BICDL2: variants seen among roughly 807,000 people sequenced by gnomAD.
BICDL2 encodes the protein BICD family like cargo adaptor 2.
A neutral mutation model predicts 56.6 loss-of-function variants in BICDL2; 62 were observed. The ratio of observed to expected loss-of-function variants is 1.10; its 90% CI spans 0.89 to 1.35. BICDL2 has a LOEUF of 1.35. Among genes scored for constraint, BICDL2 ranks in the 40% most tolerant of loss-of-function variants. The pLI, the probability that BICDL2 is intolerant of heterozygous loss-of-function variation, is 0.00. For synonymous variants in BICDL2, 358 were observed against 319.8 expected (o/e 1.12, Z -1.27); for missense variants, 808 against 684.5 (o/e 1.18, Z -2.01).
intron 1 of BICDL2, chr16:3,036,360 C>G (rs1264683971): frequency 2.2e-6 from 1 of 448,942 alleles, no homozygotes; most frequent in South Asian, 1.6e-5. Context: ...CCCTGGGCTC[C>G]CCTAGGGCGG....
At chr16:3,035,705 A>T in intron 1 of BICDL2, 179 bp from the exon 2 acceptor site, 1 of 592,902 alleles carries the variant, frequency 1.7e-6, no homozygotes, top group Admixed American at 3.0e-5. Context: ...CCTGGGGTAA[A>T]CTGAGGCAGG....
At chr16:3,029,495 G>A (rs753599003) in intron 6 of BICDL2, 50 bp downstream of exon 6, 8 of 1,574,946 alleles carry the variant, frequency 5.1e-6, no homozygotes, top group African/African-American at 1.3e-5. Context: ...GGCGGAGCCT[G>A]CAACCCTCTC....
Position 3,027,773 on chromosome 16 carries a change from T to TG in BICDL2, c.*332dup. ...TTACCATGCTCTTTCTTTCTATGAA[T>TG]GGGGGCCAAATCGGTGGAGTGATTT... is the stretch of plus-strand genomic sequence containing the variant. On this transcript the variant is annotated 3_prime_UTR_variant, in exon 10 of 10. Coordinates refer to ENST00000572449, the MANE Select transcript of BICDL2 (RefSeq NM_001369667.1). 8.5e-7 allele frequency: 1 copy of TG among 1,179,392 alleles called. No homozygotes were observed. Among genetic ancestry groups the TG allele is most frequent in the Non-Finnish European group, 1.2e-6 (1 of 855,206 alleles). 73.1% of individuals were successfully genotyped at this position (1,179,392 alleles called of 1,614,324 possible). A position where few individuals can be genotyped will look rare whatever the true frequency, so the allele number is the denominator to read the frequency against.
intron 2 of BICDL2, chr16:3,031,543 C>A (rs542206069): frequency 1.1e-4 from 45 of 420,878 alleles, no homozygotes; most frequent in African/African-American, 8.3e-4. Context: ...GGCCTGGACT[C>A]TGCCCAGCCC....
At position 3,029,296 on chromosome 16, in the gene BICDL2, GCCACTT is replaced by G; in HGVS notation, c.1085_1090del (p.Glu362_Val363del). On this transcript the variant is annotated inframe_deletion, in exon 7 of 10. Coordinates refer to ENST00000572449, the MANE Select transcript of BICDL2 (RefSeq NM_001369667.1). ...CTGCCCCACCTCATCTTGCAGCTTG[GCCACTT>G]CCACCTCCTTCTCCTCCAGTATCTC... is the stretch of plus-strand genomic sequence containing the variant. The G allele has an allele frequency of 6.2e-7, 1 of 1,611,458 alleles. No homozygotes were observed. Among genetic ancestry groups the G allele is most frequent in the Admixed American group, 1.7e-5 (1 of 59,832 alleles).
chr16:3,030,789 AAGTTCCTGCT>A lies in BICDL2; in HGVS notation c.512_521del (p.Glu171ValfsTer22). ...CCCGAAGGGCGTCCAGTTCCCTCTG[AAGTTCCTGCT>A]CAGTCTGGGAGGCCTGGGGAGGTGG... On this transcript the variant is annotated frameshift_variant, in exon 4 of 10. Coordinates refer to ENST00000572449, the MANE Select transcript of BICDL2 (RefSeq NM_001369667.1). LOFTEE classifies it high-confidence loss of function. 6.2e-7 allele frequency: 1 copy of A among 1,611,554 alleles called. No individual in the cohort carries two copies. Among genetic ancestry groups the A allele is most frequent in the East Asian group, 2.2e-5 (1 of 44,850 alleles).
In BICDL2 at chr16:3,029,567, G is replaced by A. The variant is rs1955620062; in HGVS notation, c.935C>T (p.Ala312Val). ...SLDDGDQGQG[A>V]DAPGDTPTTR... ...CACCGGGGTGTCTCCGGGTGCGTCG[G>A]CGCCCTGGCCCTGGTCGCCGTCGTC... The change falls in exon 6 of 10, where the codon GCC becomes GTC. Residue 312 changes from alanine (A) to valine (V), a missense_variant. Transcript: ENST00000572449. The A allele has an allele frequency of 6.5e-7, 1 of 1,547,198 alleles. No individual in the cohort carries two copies. The highest frequency in any genetic ancestry group is 8.7e-7 in the Non-Finnish European group (1 of 1,150,750).
In BICDL2 at chr16:3,028,452, G is replaced by T. The variant is rs992118116; in HGVS notation, c.1255C>A (p.Leu419Met). 2 of 1,570,006 alleles carry T rather than the reference G, an allele frequency of 1.3e-6. No homozygotes were observed. Among genetic ancestry groups the T allele is most frequent in the South Asian group, 2.3e-5 (2 of 87,358 alleles). Residue 419 changes from leucine to methionine, a missense_variant, in exon 9 of 10, where the codon CTG (leucine) becomes ATG (methionine). Physicochemically the swap from Leu to Met is conservative, Grantham distance 15. Coordinates refer to ENST00000572449, the MANE Select transcript of BICDL2 (RefSeq NM_001369667.1). ...TCCAGCGAGACGCGGTTGAGCTGCA[G>T]GGACAGCTCCAGGGCCCTAGGCGGG... ...EAVNKALELS[L>M]QLNRVSLERD... is the part of the protein sequence containing the mutation.
Position 3,027,950 on chromosome 16 carries a change from G to C in BICDL2, c.*156C>G, listed in dbSNP as rs1386871209. ...GCCCCACAAAGCTGGCCCCTGCTCC[G>C]GATGAGCCCCTGCTCCCGATGAGCC... On this transcript the variant is annotated 3_prime_UTR_variant, in exon 10 of 10. Transcript: ENST00000572449. 8.6e-7 allele frequency: 1 copy of C among 1,168,024 alleles called. No individual in the cohort carries two copies. Among genetic ancestry groups the C allele is most frequent in the Non-Finnish European group, 1.1e-6 (1 of 878,006 alleles). The allele number at this position is 1,168,024 out of a possible 1,614,324, so 72.4% of individuals were successfully genotyped here.
At position 3,027,950 on chromosome 16, in the gene BICDL2, G is replaced by GGATGAGCCCCTGCTCCC. The variant is rs1291265591; in HGVS notation, c.*139_*155dup. The GGATGAGCCCCTGCTCCC allele has an allele frequency of 1.7e-4, 200 of 1,167,908 alleles. No homozygotes were observed. Among genetic ancestry groups the GGATGAGCCCCTGCTCCC allele is most frequent in the Non-Finnish European group, 1.9e-4 (171 of 878,016 alleles). The allele number at this position is 1,167,908 out of a possible 1,614,324, so 72.3% of individuals were successfully genotyped here. On this transcript the variant is annotated 3_prime_UTR_variant, in exon 10 of 10. Transcript: ENST00000572449. The stretch of plus-strand genomic sequence containing the variant: ...GCCCCACAAAGCTGGCCCCTGCTCC[G>GGATGAGCCCCTGCTCCC]GATGAGCCCCTGCTCCCGATGAGCC...
chr16:3,034,310 G>A (rs994162243), intron 2 of BICDL2, among the ~76,000 whole-genome samples: 13 of 152,120 alleles, frequency 8.5e-5, no homozygotes, highest in Admixed American at 2.0e-4. Context: ...ATGCAGTCTC[G>A]CTCTGTCACC....
At chr16:3,034,665 CT>C in intron 2 of BICDL2, among the ~76,000 whole-genome samples, 1 of 66,346 alleles carries the variant, frequency 1.5e-5, no homozygotes, top group African/African-American at 5.2e-5. Flanking sequence ...TCTCTCCTTC[CT>C]TCCTTCCTTC....
At position 3,030,939 on chromosome 16, in the gene BICDL2, G is replaced by T; in HGVS notation, c.494C>A (p.Ala165Asp). The T allele has an allele frequency of 6.5e-7, 1 of 1,547,186 alleles. No homozygotes were observed. The change falls in exon 3 of 10, where the codon GCT becomes GAT. Residue 165 changes from alanine (A) to aspartate (D), a missense_variant. By Grantham distance (126) the Ala-to-Asp change is moderately radical. Coordinates refer to ENST00000572449, the MANE Select transcript of BICDL2 (RefSeq NM_001369667.1). ...EQNLRLSQQL[A>D]QASQTEQELQ... ...CTGGGGTCAGGGCCATCCCACCTGA[G>T]CCAGCTGCTGGCTGAGCCGGAGGTT...
intron 2 of BICDL2, among the ~76,000 whole-genome samples, chr16:3,033,716 T>G (rs896507005): frequency 4.6e-5 from 7 of 151,644 alleles, no homozygotes; most frequent in African/African-American, 1.7e-4. Flanking sequence ...GCTCGTGAAG[T>G]TGAGGTTCCA....
rs930223158 is a variant in BICDL2, at chr16:3,029,649, G to A, written c.853C>T (p.Leu285Phe). The change falls in exon 6 of 10, where the codon CTC (leucine) becomes TTC (phenylalanine). Residue 285 changes from leucine to phenylalanine, a missense_variant. Coordinates refer to ENST00000572449, the MANE Select transcript of BICDL2 (RefSeq NM_001369667.1). Reference protein sequence around the residue: ...RVSELEEESRLQDADVSAASL... With the variant: ...RVSELEEESRFQDADVSAASL... ...GCAGCCGACACGTCGGCGTCCTGGA[G>A]GCGTGACTCCTCCTCCAGCTCGGAG... 1 of 1,535,846 alleles carries A rather than the reference G, an allele frequency of 6.5e-7. No homozygotes were observed. The highest frequency in any genetic ancestry group is 8.7e-7 in the Non-Finnish European group (1 of 1,145,994).
chr16:3,035,478 GC>G lies in BICDL2; in HGVS notation c.18del (p.Ser8AlafsTer43), dbSNP rs1955722495. The G allele has an allele frequency of 6.2e-7, 1 of 1,610,908 alleles. No individual in the cohort carries two copies. The highest frequency in any genetic ancestry group is 1.3e-5 in the African/African-American group (1 of 74,918). On this transcript the variant is annotated frameshift_variant, in exon 2 of 10. Transcript: ENST00000572449. LOFTEE classifies it high-confidence loss of function. MSSPD[G>X]PSFPSGPLSG... The stretch of plus-strand genomic sequence containing the variant: ...GAGAGCGGCCCGGACGGGAAGCTGG[GC>G]CCATCTGGAGAGCTCATGTCACCTG...
chr16:3,028,764 C>A lies in BICDL2; in HGVS notation c.1174G>T (p.Ala392Ser), dbSNP rs1334999275. 1 of 1,560,068 alleles carries A rather than the reference C, an allele frequency of 6.4e-7. No individual in the cohort carries two copies. The highest frequency in any genetic ancestry group is 1.2e-5 in the South Asian group (1 of 84,660). ...AGGGCCTCCCCAGGGTCTTCCTGCG[C>A]CCGCAGCTCCTTCTGCCTCTGCAGC... is the stretch of plus-strand genomic sequence containing the variant. ...EELQRQKELR[A>S]QEDPGEALHS... Residue 392 changes from alanine (A) to serine (S), a missense_variant, in exon 8 of 10, where the codon GCG becomes TCG. By Grantham distance (99) the Ala-to-Ser change is moderately conservative (BLOSUM62 1). Transcript: ENST00000572449.
rs751350706 is a variant in BICDL2, at chr16:3,028,308, C to T, written c.1360-35G>A. ...GCCGTGGTCGGCTCAGCGCCGGTCC[C>T]GCCCCTTGCCCCGCCCCGCACACGG... On this transcript the variant is annotated intron_variant, in intron 9 of 9. Transcript: ENST00000572449. 3 of 1,536,106 alleles carry T rather than the reference C, an allele frequency of 2.0e-6. No homozygotes were observed. In the African/African-American group the frequency reaches 4.2e-5, roughly 21 times the overall value.
rs1215003884 is a variant in BICDL2, at chr16:3,028,263, T to A, written c.1370A>T (p.Gln457Leu). 1.3e-6 allele frequency: 2 copies of A among 1,488,994 alleles called. No individual in the cohort carries two copies. The highest frequency in any genetic ancestry group is 1.8e-6 in the Non-Finnish European group (2 of 1,132,684). The allele number at this position is 1,488,994 out of a possible 1,614,324, so 92.2% of individuals were successfully genotyped here. Residue 457 changes from glutamine to leucine, a missense_variant, in exon 10 of 10, where the codon CAG becomes CTG. Coordinates refer to ENST00000572449, the MANE Select transcript of BICDL2 (RefSeq NM_001369667.1). ...GCGCAGCTGCTGCCCGATCACCACC[T>A]GCATGTCGTCCTGCGGGAGGCCGTG... ...QELEAWQDDM[Q>L]VVIGQQLRSQ...
Sources: gnomAD v4.1 joint callset for allele counts (sites outside exome capture counted in the v4.1 genomes callset) on GRCh38, gnomAD v4.1.1 for gene constraint, MANE v1.5 for transcripts, NCBI Gene and HGNC (gene_info 2026-07-23, HGNC 2026-07-21) for gene names.